The following PIWIL4 variants were observed in gnomAD, a reference collection of about 807,000 sequenced individuals.
PIWIL4 encodes piwi like RNA-mediated gene silencing 4.
Under a neutral mutation model 100.9 loss-of-function variants are expected in PIWIL4, and 50 were observed. The ratio of observed to expected loss-of-function variants is 0.50; its 90% CI spans 0.39 to 0.63. PIWIL4 has a LOEUF of 0.63. Ranked by LOEUF, PIWIL4 falls within the 20% of genes least tolerant of loss-of-function variation. The pLI is 0.00. For missense variants in PIWIL4, 887 were observed against 1,043.3 expected (o/e 0.85, Z 2.06); for synonymous variants, 342 against 367.5 (o/e 0.93, Z 0.79).
intron 13 of PIWIL4, among the ~76,000 whole-genome samples, chr11:94,605,873 C>T (rs1282034241): frequency 6.6e-6 from 1 of 152,188 alleles, no homozygotes; most frequent in Non-Finnish European, 1.5e-5. Flanking sequence ...TTCAAGCTGG[C>T]TTCTGTGTCT....
intron 4 of PIWIL4, 51 bp from the exon 5 acceptor site, chr11:94,583,397 C>T: frequency 6.3e-7 from 1 of 1,592,052 alleles, no homozygotes; most frequent in Non-Finnish European, 8.6e-7. Flanking sequence ...CTGCATTCTG[C>T]ACACTTGGGG....
chr11:94,604,021 G>T lies in PIWIL4; in HGVS notation c.1603G>T (p.Ala535Ser). Residue 535 changes from alanine to serine, a missense_variant, in exon 13 of 20, where the codon GCT (alanine) becomes TCT (serine). By Grantham distance (99) the Ala-to-Ser change is moderately conservative (BLOSUM62 1). Transcript: ENST00000299001. ...AGAAAATCCAGCTGCATTTGTTAGA[G>T]CTATACAGCAATATGTTGATCCTGA... ...VQENPAAFVR[A>S]IQQYVDPDVQ... 6.2e-7 allele frequency: 1 copy of T among 1,607,144 alleles called. No homozygotes were observed. The highest frequency in any genetic ancestry group is 1.1e-5 in the South Asian group (1 of 90,222).
intron 2 of PIWIL4, among the ~76,000 whole-genome samples, chr11:94,574,284 C>T (rs1948205249): frequency 1.3e-5 from 2 of 152,120 alleles, no homozygotes; most frequent in South Asian, 4.1e-4. Flanking sequence ...GGCAATTTCT[C>T]TTCTTTTCTT....
chr11:94,586,649 C>A (rs1948403322), intron 6 of PIWIL4, among the ~76,000 whole-genome samples: 1 of 152,160 alleles, frequency 6.6e-6, no homozygotes, highest in Non-Finnish European at 1.5e-5. Context: ...GACATTTCCC[C>A]CCCCTCTTCA....
At chr11:94,606,103 A>G (rs950111186) in intron 13 of PIWIL4, among the ~76,000 whole-genome samples, 6 of 152,160 alleles carry the variant, frequency 3.9e-5, no homozygotes, top group African/African-American at 1.4e-4. Context: ...GGCTTTCTCA[A>G]TGGACATAGC....
At chr11:94,600,615 A>G (rs953445335) in intron 11 of PIWIL4, among the ~76,000 whole-genome samples, 1 of 152,186 alleles carries the variant, frequency 6.6e-6, no homozygotes, top group Non-Finnish European at 1.5e-5. Context: ...GTTGTCACTG[A>G]TAACATCTTA....
chr11:94,582,076 A>C (rs750932779), intron 4 of PIWIL4, among the ~76,000 whole-genome samples: 8 of 152,084 alleles, frequency 5.3e-5, no homozygotes, highest in Non-Finnish European at 1.0e-4. Context: ...CCAATAGGAG[A>C]TGTAGGAAGT....
chr11:94,569,152 A>G (rs1169936528), intron 2 of PIWIL4, among the ~76,000 whole-genome samples: 1 of 152,214 alleles, frequency 6.6e-6, no homozygotes, highest in Non-Finnish European at 1.5e-5. Flanking sequence ...CCCAAAGGAA[A>G]ATAAATCATT....
intron 10 of PIWIL4, among the ~76,000 whole-genome samples, chr11:94,595,774 C>T (rs543832597): frequency 7.9e-5 from 12 of 152,330 alleles, no homozygotes; most frequent in African/African-American, 2.9e-4. Flanking sequence ...AAACACCAGG[C>T]CCCCAGTATT....
intron 10 of PIWIL4, 32 bp from the exon 11 acceptor site, chr11:94,597,772 T>C (rs1340970668): frequency 1.4e-6 from 2 of 1,470,066 alleles, no homozygotes; most frequent in African/African-American, 2.8e-5. Context: ...ATTATATCTC[T>C]CTTTAATGAT....
At chr11:94,608,234 A>C (rs1948746338) in intron 14 of PIWIL4, 1 of 199,462 alleles carries the variant, frequency 5.0e-6, no homozygotes, top group Admixed American at 5.4e-5. Flanking sequence ...TGAAGAATGG[A>C]ATTCCTCTTC....
At chr11:94,595,620 T>C (rs1237676347) in intron 10 of PIWIL4, among the ~76,000 whole-genome samples, 194 bp downstream of exon 10, 1 of 152,244 alleles carries the variant, frequency 6.6e-6, no homozygotes, top group Non-Finnish European at 1.5e-5. Context: ...TTGGAGGCCA[T>C]GCTGATAGGA....
At chr11:94,600,653 G>C (rs986249670) in intron 11 of PIWIL4, among the ~76,000 whole-genome samples, 4 of 152,004 alleles carry the variant, frequency 2.6e-5, no homozygotes, top group African/African-American at 9.7e-5. Flanking sequence ...GAGAGCAACC[G>C]GTCTGACCAA....
intron 10 of PIWIL4, 59 bp from the exon 11 acceptor site, chr11:94,597,745 G>A (rs899987670): frequency 3.1e-5 from 38 of 1,240,932 alleles, no homozygotes; most frequent in African/African-American, 4.6e-5. Flanking sequence ...AGCCCCTGAC[G>A]AATTCAGTAA....
chr11:94,619,893 C>T lies in PIWIL4; in HGVS notation c.2294+8C>T. On this transcript the variant is annotated splice_region_variant and intron_variant, in intron 18 of 19. Coordinates refer to ENST00000299001, the MANE Select transcript of PIWIL4 (RefSeq NM_152431.3). ...AGCAACACGTAACGAATGGCAAGTGCCGCTGGAAAATCAATTTTTAACAAA... is the reference window on the plus strand; with the variant it reads ...AGCAACACGTAACGAATGGCAAGTGTCGCTGGAAAATCAATTTTTAACAAA... The T allele has an allele frequency of 6.2e-7, 1 of 1,614,180 alleles. No individual in the cohort carries two copies. The highest frequency in any genetic ancestry group is 8.5e-7 in the Non-Finnish European group (1 of 1,180,024).
intron 15 of PIWIL4, among the ~76,000 whole-genome samples, chr11:94,610,337 G>A (rs1276745971): frequency 6.6e-6 from 1 of 152,098 alleles, no homozygotes; most frequent in African/African-American, 2.4e-5. Flanking sequence ...CTGACATACT[G>A]ATTTCTTTTC....
chr11:94,582,004 TGAG>T lies in PIWIL4; in HGVS notation c.514-1437_514-1435del, dbSNP rs202031222. On this transcript the variant is annotated intron_variant, in intron 4 of 19. Coordinates refer to ENST00000299001, the MANE Select transcript of PIWIL4 (RefSeq NM_152431.3). Reference sequence around the variant, plus strand: ...CTTGCCATCTGATTAGATTGTGAATTGAGGAGGAGAAATGAAAGTTTACTGTGA... The same window carrying T: ...CTTGCCATCTGATTAGATTGTGAATTGAGGAGAAATGAAAGTTTACTGTGA... 7.0e-3 allele frequency among the ~76,000 whole-genome samples: 1,069 copies of T among 152,196 alleles called. 45 individuals are homozygous for T. Among genetic ancestry groups the T allele is most frequent in the Admixed American group, 0.065 (992 of 15,280 alleles).
intron 15 of PIWIL4, among the ~76,000 whole-genome samples, chr11:94,609,126 T>C (rs1565282306): frequency 6.6e-6 from 1 of 152,242 alleles, no homozygotes; most frequent in Non-Finnish European, 1.5e-5. Flanking sequence ...TGCCTCACTA[T>C]GGTAATCTGT....
At chr11:94,568,664 A>T (rs1948107965) in intron 1 of PIWIL4, 66 bp from the exon 2 acceptor site, 2 of 1,256,052 alleles carry the variant, frequency 1.6e-6, no homozygotes, top group Non-Finnish European at 2.3e-6. Context: ...CACTGTTCTT[A>T]GGATAATCTT....
Sources: allele counts gnomAD v4.1 joint callset (sites outside exome capture counted in the v4.1 genomes callset), GRCh38; gene constraint gnomAD v4.1.1; transcripts MANE v1.5; gene names NCBI Gene and HGNC (gene_info 2026-07-23, HGNC 2026-07-21).